Variants in SOX5 observed in about 807,000 individuals in gnomAD.
The protein encoded by SOX5 is SRY-box transcription factor 5.
Under a neutral mutation model 92.0 loss-of-function variants are expected in SOX5, and 9 were observed. That is an observed-to-expected ratio of 0.10 (90% confidence interval 0.06 to 0.17). The LOEUF is 0.17. Ranked by LOEUF, SOX5 falls within the 10% of genes least tolerant of loss-of-function variation. The probability of loss-of-function intolerance (pLI) is 1.00; values close to 1 mark genes in which losing one functional copy is unlikely to be tolerated. For synonymous variants in SOX5, 344 were observed against 336.3 expected (o/e 1.02, Z -0.25); for missense variants, 642 against 944.5 (o/e 0.68, Z 4.20).
chr12:24,474,661 G>A (rs1438021294), intron 1 of SOX5, among the ~76,000 whole-genome samples: 1 of 148,794 alleles, frequency 6.7e-6, no homozygotes, highest in Non-Finnish European at 1.5e-5. Context: ...TCAGTCTCCC[G>A]GGTAGCTGGG....
chr12:24,121,007 C>T (rs535515563), intron 4 of SOX5, among the ~76,000 whole-genome samples: 1 of 152,276 alleles, frequency 6.6e-6, no homozygotes, highest in South Asian at 2.1e-4. Context: ...TCCGTGGGGT[C>T]TGGCACCAGA....
intron 4 of SOX5, among the ~76,000 whole-genome samples, chr12:24,106,032 T>C (rs527299864): frequency 6.6e-6 from 1 of 152,084 alleles, no homozygotes; most frequent in Non-Finnish European, 1.5e-5. Context: ...TCAGACATGA[T>C]ATAAAAAACA....
chr12:24,124,112 T>G (rs1314465339), intron 4 of SOX5, among the ~76,000 whole-genome samples: 1 of 152,168 alleles, frequency 6.6e-6, no homozygotes, highest in Non-Finnish European at 1.5e-5. Context: ...TTTTTTTAAT[T>G]AAGAATTTTA....
At chr12:24,355,700 T>A (rs1450411413) in intron 2 of SOX5, among the ~76,000 whole-genome samples, 1 of 152,230 alleles carries the variant, frequency 6.6e-6, no homozygotes, top group Non-Finnish European at 1.5e-5. Flanking sequence ...CTGTTCATTA[T>A]GAAAAGTATT....
At chr12:23,917,718 A>G (rs1339877892) in intron 1 of SOX5, among the ~76,000 whole-genome samples, 1 of 152,166 alleles carries the variant, frequency 6.6e-6, no homozygotes, top group Non-Finnish European at 1.5e-5. Flanking sequence ...GGATACCTCC[A>G]AAAGGTTGGA....
intron 3 of SOX5, among the ~76,000 whole-genome samples, chr12:24,253,162 C>T (rs374776051): frequency 1.3e-5 from 2 of 152,072 alleles, no homozygotes; most frequent in East Asian, 1.9e-4. Context: ...AGGAGGCAAG[C>T]GTATTCCTGC....
intron 1 of SOX5, among the ~76,000 whole-genome samples, chr12:24,485,740 A>G (rs1056324367): frequency 1.3e-5 from 2 of 152,128 alleles, no homozygotes; most frequent in African/African-American, 4.8e-5. Flanking sequence ...AAATGTTTTT[A>G]TCATCCCTCC....
chr12:23,765,506 G>A (rs2094697648), intron 3 of SOX5, among the ~76,000 whole-genome samples: 1 of 149,996 alleles, frequency 6.7e-6, no homozygotes, highest in South Asian at 2.1e-4. Context: ...ATTAAAGGAA[G>A]CCTGGATACA....
At chr12:23,632,097 T>G (rs577920037) in intron 8 of SOX5, 4 of 152,136 alleles carry the variant, frequency 2.6e-5, no homozygotes, top group Non-Finnish European at 5.9e-5. Context: ...ATAATTTAAT[T>G]GTTGTTGGGG....
At chr12:23,603,445 AATATAT>A (rs72370535) in intron 9 of SOX5, among the ~76,000 whole-genome samples, 5 of 124,856 alleles carry the variant, frequency 4.0e-5, no homozygotes, top group African/African-American at 7.8e-5. Flanking sequence ...ATATATATAA[AATATAT>A]ATATATATAT....
At chr12:24,284,977 T>C (rs752620828) in intron 2 of SOX5, among the ~76,000 whole-genome samples, 3 of 151,910 alleles carry the variant, frequency 2.0e-5, no homozygotes, top group Non-Finnish European at 4.4e-5. Context: ...ATACAAAAAT[T>C]AGCTGGGCGT....
intron 4 of SOX5, among the ~76,000 whole-genome samples, chr12:24,096,146 C>G (rs1014226995): frequency 6.6e-6 from 1 of 152,064 alleles, no homozygotes; most frequent in Non-Finnish European, 1.5e-5. Flanking sequence ...ACTTTAAGTT[C>G]TGGGGTACAT....
intron 2 of SOX5, among the ~76,000 whole-genome samples, chr12:24,281,960 G>A (rs1945259287): frequency 2.3e-5 from 1 of 44,198 alleles, no homozygotes. Flanking sequence ...GTTCCTCGAT[G>A]CGATTTCCGG....
chr12:24,220,953 C>T (rs948810668), intron 3 of SOX5, among the ~76,000 whole-genome samples: 6 of 152,176 alleles, frequency 3.9e-5, no homozygotes, highest in Admixed American at 3.9e-4. Flanking sequence ...ACCTTATCTA[C>T]ACTGGTTTTT....
At chr12:23,675,358 C>G (rs1294114277) in intron 6 of SOX5, among the ~76,000 whole-genome samples, 2 of 152,130 alleles carry the variant, frequency 1.3e-5, no homozygotes, top group African/African-American at 2.4e-5. Flanking sequence ...CACAGTGTAG[C>G]TGAAAACTTC....
intron 1 of SOX5, among the ~76,000 whole-genome samples, chr12:24,405,547 A>C (rs1360626743): frequency 6.6e-6 from 1 of 152,200 alleles, no homozygotes; most frequent in Admixed American, 6.5e-5. Flanking sequence ...AAATAAGCTA[A>C]GGGCAGATGT....
chr12:24,516,856 T>C (rs181346808), intron 1 of SOX5, among the ~76,000 whole-genome samples: 1 of 152,340 alleles, frequency 6.6e-6, no homozygotes, highest in Non-Finnish European at 1.5e-5. Flanking sequence ...AACATTTAGG[T>C]TCCTAACACT....
At chr12:24,246,200 C>G (rs2140113310) in intron 3 of SOX5, among the ~76,000 whole-genome samples, 1 of 151,574 alleles carries the variant, frequency 6.6e-6, no homozygotes, top group South Asian at 2.1e-4. Flanking sequence ...TGTCACATCA[C>G]ATTGACTATT....
At chr12:24,302,497 C>A (rs1266498810) in intron 2 of SOX5, among the ~76,000 whole-genome samples, 1 of 151,512 alleles carries the variant, frequency 6.6e-6, no homozygotes, top group Non-Finnish European at 1.5e-5. Context: ...TCTTGCCATA[C>A]AAAACATGGG....
Sources: allele counts gnomAD v4.1 joint callset (sites outside exome capture counted in the v4.1 genomes callset), GRCh38; gene constraint gnomAD v4.1.1; transcripts MANE v1.5; gene names NCBI Gene and HGNC (gene_info 2026-07-23, HGNC 2026-07-21).